SHD: variants seen among roughly 807,000 people sequenced by gnomAD.
The protein encoded by SHD is SH2 domain-containing adapter protein D.
SHD carries 29 observed loss-of-function variants against 31.2 expected under a neutral mutation model. The observed-to-expected ratio is 0.93, with a 90% confidence interval of 0.69 to 1.27. SHD has a LOEUF of 1.27. Ranked by LOEUF, SHD falls within the 50% of genes most tolerant of loss-of-function variation. SHD has a pLI of 0.00. For synonymous variants in SHD, 208 were observed against 187.8 expected, an observed-to-expected ratio of 1.11 and a Z score of -0.88; for missense variants, 520 against 453.8, an observed-to-expected ratio of 1.15 and a Z score of -1.33.
At chr19:4,289,529 G>A (rs891318266) in intron 5 of SHD, among the ~76,000 whole-genome samples, 1 of 149,476 alleles carries the variant, frequency 6.7e-6, no homozygotes, top group Non-Finnish European at 1.5e-5. Context: ...TGCAGGTGTG[G>A]GTCACTGCAC....
In SHD at chr19:4,288,239, C is replaced by A. The variant is rs1268598639; in HGVS notation, c.717-4C>A. ...TTGATGAGACATCTGTCCATACTCG[C>A]TAGGTGGTTTCATGGCCCCCTGAAC... On this transcript the variant is annotated splice_region_variant and splice_polypyrimidine_tract_variant and intron_variant, in intron 4 of 5. Coordinates refer to ENST00000543264, the MANE Select transcript of SHD (RefSeq NM_020209.4). The A allele has an allele frequency of 1.2e-6, 2 of 1,612,958 alleles. No homozygotes were observed. The highest frequency in any genetic ancestry group is 1.7e-6 in the Non-Finnish European group (2 of 1,179,500).
Position 4,288,861 on chromosome 19 carries a change from C to T in SHD, c.836+499C>T, listed in dbSNP as rs111324608. Among the ~76,000 whole-genome samples, 531 of 152,158 alleles carry T rather than the reference C, an allele frequency of 3.5e-3. 5 individuals carry two copies. Among genetic ancestry groups the T allele is most frequent in the African/African-American group, 0.012 (495 of 41,528 alleles). ...CTAAAAGCACGAGATTGGGGCTGAG[C>T]GCGGCAGCTGACGTCTGTAATCCCA... On this transcript the variant is annotated intron_variant, in intron 5 of 5. Transcript: ENST00000543264.
intron 1 of SHD, among the ~76,000 whole-genome samples, chr19:4,281,075 T>C (rs1292220746): frequency 6.6e-6 from 1 of 151,956 alleles, no homozygotes; most frequent in East Asian, 1.9e-4. Context: ...TGTTCCCGTT[T>C]TACAGAAGCG....
chr19:4,283,132 C>G lies in SHD; in HGVS notation c.482C>G (p.Ser161Cys), dbSNP rs1269049964. 1.9e-6 allele frequency: 3 copies of G among 1,614,062 alleles called. No homozygotes were observed. The East Asian group carries it at 6.7e-5, about 36-fold the overall frequency. ...CCAGAGACAGCAGATGGACCCCCTT[C>G]TGGGCAGAAGCCTCGGCAGAGCCGG... ...QDPETADGPP[S>C]GQKPRQSRMP... The change falls in exon 3 of 6, where the codon TCT becomes TGT. Residue 161 changes from serine to cysteine, a missense_variant. Transcript: ENST00000543264.
At chr19:4,282,497 G>A (rs1022798425) in intron 1 of SHD, among the ~76,000 whole-genome samples, 4 of 152,024 alleles carry the variant, frequency 2.6e-5, no homozygotes, top group Non-Finnish European at 5.9e-5. Context: ...AGCCCGAGGC[G>A]GGCAGATCAC....
rs758693498 is a variant in SHD at position 4,288,284 on chromosome 19, T to C, written c.758T>C (p.Leu253Pro). The change falls in exon 5 of 6, where the codon CTC (leucine) becomes CCC (proline). Residue 253 changes from leucine (L) to proline (P), a missense_variant. Transcript: ENST00000543264. ...CTGAACAGGGCGGATGCAGAGAGCC[T>C]CCTGTCCCTCTGCAAGGAAGGCAGC... ...GPLNRADAES[L>P]LSLCKEGSYL... 15 of 1,613,850 alleles carry C rather than the reference T, an allele frequency of 9.3e-6. No homozygotes were observed. Among genetic ancestry groups the C allele is most frequent in the Non-Finnish European group, 1.3e-5 (15 of 1,179,868 alleles).
rs149481267 is a variant in SHD, at chr19:4,282,034, GA to G, written c.298-833del. 4.4e-3 allele frequency among the ~76,000 whole-genome samples: 671 copies of G among 152,262 alleles called. 8 individuals carry two copies. The highest frequency in any genetic ancestry group is 0.016 in the African/African-American group (649 of 41,558). On this transcript the variant is annotated intron_variant, in intron 1 of 5. Transcript: ENST00000543264. ...GAGGGAGGCAGGTGTCTGTGCTGGG[GA>G]AATGGGATCAAGACAGAGGGAGACG...
intron 4 of SHD, among the ~76,000 whole-genome samples, chr19:4,285,847 C>A (rs1971303091): frequency 6.7e-6 from 1 of 150,100 alleles, no homozygotes; most frequent in South Asian, 2.1e-4. Context: ...CCCGCCCGGC[C>A]CTTCCTCCTT....
Position 4,283,235 on chromosome 19 carries a change from G to A in SHD, c.585G>A (p.Ala195=), listed in dbSNP as rs149098681. 2.2e-5 allele frequency: 36 copies of A among 1,611,434 alleles called. No homozygotes were observed. In the African/African-American group the frequency reaches 2.7e-4, roughly 12 times the overall value. The change falls in exon 3 of 6, where the codon GCG becomes GCA. Residue 195 remains alanine (A), a synonymous_variant. Transcript: ENST00000543264. Reference sequence around the variant, plus strand: ...GGAAGAAAGACCACATCTCCAGGGCGTTTGCAGGTGCTTCTCAGACCCACA... The same window carrying A: ...GGAAGAAAGACCACATCTCCAGGGCATTTGCAGGTGCTTCTCAGACCCACA... ...WEWKKDHISR[A]FAVQFDSPEW... is the part of the protein sequence containing the mutation.
At chr19:4,285,886 TTTC>T (rs869258065) in intron 4 of SHD, among the ~76,000 whole-genome samples, 2 of 113,396 alleles carry the variant, frequency 1.8e-5, no homozygotes, top group Middle Eastern at 3.8e-3. Flanking sequence ...TTTCTTTTCC[TTTC>T]TTTTTTTTTT....
In SHD at chr19:4,288,272, A is replaced by AAG; in HGVS notation, c.746_747insAG (p.Asp249GlufsTer16). 6.2e-7 allele frequency: 1 copy of AAG among 1,613,804 alleles called. No homozygotes were observed. Among genetic ancestry groups the AAG allele is most frequent in the Non-Finnish European group, 8.5e-7 (1 of 1,179,890 alleles). On this transcript the variant is annotated frameshift_variant, in exon 5 of 6. Coordinates refer to ENST00000543264, the MANE Select transcript of SHD (RefSeq NM_020209.4). LOFTEE classifies it high-confidence loss of function. Reference sequence around the variant, plus strand: ...TTTCATGGCCCCCTGAACAGGGCGGATGCAGAGAGCCTCCTGTCCCTCTGC... The same window carrying AAG: ...TTTCATGGCCCCCTGAACAGGGCGGAAGTGCAGAGAGCCTCCTGTCCCTCTGC...
chr19:4,284,637 C>T (rs982254112), intron 3 of SHD, 144 bp from the exon 4 acceptor site: 3 of 1,014,940 alleles, frequency 3.0e-6, no homozygotes, highest in East Asian at 5.7e-5. Context: ...CCAATCCTGC[C>T]CCTGCCTTAA....
intron 4 of SHD, among the ~76,000 whole-genome samples, chr19:4,287,579 G>A (rs1466912622): frequency 6.6e-6 from 1 of 152,128 alleles, no homozygotes; most frequent in African/African-American, 2.4e-5. Flanking sequence ...GAGGTTAGGA[G>A]TTCGAGACCA....
Position 4,290,564 on chromosome 19 carries a change from A to G in SHD, c.954A>G (p.Ser318=). The change falls in exon 6 of 6, where the codon TCA becomes TCG. Residue 318 remains serine, a synonymous_variant. Coordinates refer to ENST00000543264, the MANE Select transcript of SHD (RefSeq NM_020209.4). The part of the protein sequence containing the change: ...SVPELVLHYS[S]RPLPVQGAEH... ...CCGAGCTCGTCCTCCACTACAGTTC[A>G]CGCCCACTGCCGGTGCAGGGTGCCG... 1 of 1,613,554 alleles carries G rather than the reference A, an allele frequency of 6.2e-7. No individual in the cohort carries two copies. Among genetic ancestry groups the G allele is most frequent in the Non-Finnish European group, 8.5e-7 (1 of 1,179,968 alleles).
chr19:4,284,734 C>A (rs770070013), intron 3 of SHD, 47 bp from the exon 4 acceptor site: 16 of 1,466,422 alleles, frequency 1.1e-5, no homozygotes, highest in South Asian at 7.3e-5. Flanking sequence ...CCCCGCCCCC[C>A]AAGGTAGGCT....
At chr19:4,280,386 A>G (rs1249749363) in intron 1 of SHD, 26 bp downstream of exon 1, 4 of 1,538,840 alleles carry the variant, frequency 2.6e-6, no homozygotes, top group Non-Finnish European at 3.5e-6. Context: ...GCCTGGGGAG[A>G]CTGGGTGGAG....
At chr19:4,286,338 T>TTCTC (rs1157550913) in intron 4 of SHD, among the ~76,000 whole-genome samples, 1 of 143,530 alleles carries the variant, frequency 7.0e-6, no homozygotes, top group Non-Finnish European at 1.5e-5. Flanking sequence ...CTTCCTTCCT[T>TTCTC]TCTTTCTCTC....
At chr19:4,290,354 C>T in intron 5 of SHD, 93 bp from the exon 6 acceptor site, 1 of 1,392,104 alleles carries the variant, frequency 7.2e-7, no homozygotes, top group Non-Finnish European at 9.9e-7. Flanking sequence ...ACACGAGCAC[C>T]TGGCCTGGGC....
Position 4,280,352 on chromosome 19 carries a change from G to C in SHD, c.289G>C (p.Gly97Arg), listed in dbSNP as rs965475259. The C allele has an allele frequency of 3.2e-6, 5 of 1,567,696 alleles. No individual in the cohort carries two copies. The East Asian group carries it at 1.2e-4, about 37-fold the overall frequency. ...AGCCAAGGCCCTTCTGGGCGGCCCC[G>C]GGGAGGAGGTGCGTGGCTGGGTGGC... is the stretch of plus-strand genomic sequence containing the variant. ...ARAKALLGGPGEELEADTEYL... is the reference protein window; with the variant it reads ...ARAKALLGGPREELEADTEYL... Residue 97 changes from glycine (G) to arginine (R), a missense_variant, in exon 1 of 6, where the codon GGG becomes CGG. Physicochemically the swap from Gly to Arg is moderately radical, Grantham distance 125. Transcript: ENST00000543264.
Sources: gnomAD v4.1 joint callset for allele counts (sites outside exome capture counted in the v4.1 genomes callset) on GRCh38, gnomAD v4.1.1 for gene constraint, MANE v1.5 for transcripts, NCBI Gene and HGNC (gene_info 2026-07-23, HGNC 2026-07-21) for gene names.